USH2A: variants seen among roughly 807,000 people sequenced by gnomAD.
The protein encoded by USH2A is usherin.
In USH2A, 443 loss-of-function variants were observed where a neutral mutation model predicts 538.9. That is an observed-to-expected ratio of 0.82 (90% CI 0.76 to 0.89). The LOEUF (loss-of-function observed/expected upper bound fraction) is 0.89. Among genes scored for constraint, USH2A ranks in the 40% least tolerant of loss-of-function variants. USH2A has a pLI of 0.00. For missense variants in USH2A, 6,633 were observed against 6,324.8 expected (o/e 1.05, Z -1.65); for synonymous variants, 2,413 against 2,273.5 (o/e 1.06, Z -1.75).
At chr1:216,054,649 A>G (rs1429617897) in intron 30 of USH2A, among the ~76,000 whole-genome samples, 1 of 150,478 alleles carries the variant, frequency 6.6e-6, no homozygotes, top group Non-Finnish European at 1.5e-5. Context: ...ACTTCAGCAG[A>G]CTCCTCCTCC....
At position 216,105,339 on chromosome 1, in the gene USH2A, G is replaced by C. The variant is rs965163217; in HGVS notation, c.4628-8126C>G. Among the ~76,000 whole-genome samples the C allele has an allele frequency of 6.9e-5, 10 of 145,836 alleles. No homozygotes were observed. In the East Asian group the frequency reaches 2.4e-3, roughly 35 times the overall value. On this transcript the variant is annotated intron_variant, in intron 21 of 71. Transcript: ENST00000307340. Reference sequence around the variant, plus strand: ...TCAAATTAAATTGTATGCATGATGTGAGATAGGGGTCAAGCTTTATTGTTT... The same window carrying C: ...TCAAATTAAATTGTATGCATGATGTCAGATAGGGGTCAAGCTTTATTGTTT...
At chr1:215,727,258 C>T (rs1377505813) in intron 61 of USH2A, among the ~76,000 whole-genome samples, 1 of 151,962 alleles carries the variant, frequency 6.6e-6, no homozygotes, top group Non-Finnish European at 1.5e-5. Flanking sequence ...CATGTATACA[C>T]ATACATATAT....
chr1:215,935,392 A>G (rs1666467986), intron 37 of USH2A, among the ~76,000 whole-genome samples: 2 of 151,994 alleles, frequency 1.3e-5, no homozygotes, highest in African/African-American at 4.8e-5. Context: ...CTTGAAAAGC[A>G]ACTGGGGATG....
chr1:216,217,189 T>A (rs1160779847), intron 15 of USH2A, among the ~76,000 whole-genome samples, 198 bp downstream of exon 15: 2 of 152,148 alleles, frequency 1.3e-5, no homozygotes, highest in African/African-American at 4.8e-5. Context: ...TGAACATAAT[T>A]ATATTACCAT....
At chr1:215,934,525 A>G in intron 38 of USH2A, 91 bp downstream of exon 38, 1 of 1,352,558 alleles carries the variant, frequency 7.4e-7, no homozygotes, top group East Asian at 2.4e-5. Flanking sequence ...TCTAAAATAA[A>G]ATACCTCTAA....
In USH2A at chr1:215,970,888, C is replaced by A. The variant is rs188652286; in HGVS notation, c.6806-112G>T. Reference sequence around the variant, plus strand: ...CTAGTTTCATGGAATCATTAAATCACAGACTCTGGTATTTCTCCTTGTCTA... The same window carrying A: ...CTAGTTTCATGGAATCATTAAATCAAAGACTCTGGTATTTCTCCTTGTCTA... On this transcript the variant is annotated intron_variant, in intron 35 of 71. Coordinates refer to ENST00000307340, the MANE Select transcript of USH2A (RefSeq NM_206933.4). The A allele has an allele frequency of 3.7e-6, 4 of 1,094,372 alleles. No homozygotes were observed. In the African/African-American group the frequency reaches 4.8e-5, roughly 13 times the overall value. The allele number at this position is 1,094,372 out of a possible 1,614,324, so 67.8% of individuals were successfully genotyped here.
intron 41 of USH2A, among the ~76,000 whole-genome samples, chr1:215,884,912 G>A (rs573943739): frequency 2.8e-4 from 43 of 152,302 alleles, no homozygotes; most frequent in African/African-American, 9.4e-4. Context: ...TGTATAAGAG[G>A]AGCTGACAGC....
At chr1:216,229,515 A>T (rs1357038161) in intron 14 of USH2A, among the ~76,000 whole-genome samples, 3 of 151,834 alleles carry the variant, frequency 2.0e-5, no homozygotes, top group African/African-American at 7.3e-5. Flanking sequence ...GGGTTTTGCC[A>T]TGTTGCCCAG....
intron 20 of USH2A, among the ~76,000 whole-genome samples, chr1:216,182,764 G>A (rs2034519788): frequency 1.3e-5 from 2 of 151,984 alleles, no homozygotes; most frequent in African/African-American, 2.4e-5. Context: ...CAGTTCTAAG[G>A]CTGCAATATT....
At chr1:216,141,583 T>C (rs1293017661) in intron 21 of USH2A, among the ~76,000 whole-genome samples, 1 of 152,200 alleles carries the variant, frequency 6.6e-6, no homozygotes, top group Non-Finnish European at 1.5e-5. Context: ...TGGTAACATT[T>C]TGGCATCAGC....
At chr1:215,997,607 T>C (rs1235899907) in intron 34 of USH2A, among the ~76,000 whole-genome samples, 1 of 152,082 alleles carries the variant, frequency 6.6e-6, no homozygotes, top group Non-Finnish European at 1.5e-5. Context: ...TATGAATTGA[T>C]TGACTGCACA....
At chr1:216,322,228 A>G (rs547651698) in intron 8 of USH2A, among the ~76,000 whole-genome samples, 1 of 152,276 alleles carries the variant, frequency 6.6e-6, no homozygotes, top group African/African-American at 2.4e-5. Flanking sequence ...CAACCTCTAA[A>G]GGGAAATGGA....
chr1:216,067,766 G>A (rs1004648868), intron 30 of USH2A, among the ~76,000 whole-genome samples: 3 of 152,100 alleles, frequency 2.0e-5, no homozygotes, highest in South Asian at 2.1e-4. Flanking sequence ...GGTAGAAGGT[G>A]AGAGACATCC....
At chr1:215,661,399 G>GT (rs1375915656) in intron 64 of USH2A, among the ~76,000 whole-genome samples, 9 of 152,104 alleles carry the variant, frequency 5.9e-5, no homozygotes, top group Admixed American at 2.6e-4. Context: ...TCCTCTCAAT[G>GT]ACCCACTTTC....
chr1:216,045,303 T>C (rs1032740610), intron 32 of USH2A, among the ~76,000 whole-genome samples: 3 of 152,148 alleles, frequency 2.0e-5, no homozygotes, highest in African/African-American at 7.2e-5. Flanking sequence ...AATACAAATA[T>C]AAACACAGTA....
At chr1:215,832,234 A>C (rs1489754176) in intron 47 of USH2A, among the ~76,000 whole-genome samples, 1 of 151,922 alleles carries the variant, frequency 6.6e-6, no homozygotes, top group Non-Finnish European at 1.5e-5. Context: ...ACACTTTTGT[A>C]CAATCTCTTC....
intron 14 of USH2A, among the ~76,000 whole-genome samples, chr1:216,221,642 C>G (rs2035459966): frequency 6.6e-6 from 1 of 152,182 alleles, no homozygotes; most frequent in Non-Finnish European, 1.5e-5. Flanking sequence ...CTCATAAAAG[C>G]TGGACCAGGG....
At chr1:216,113,137 T>TAAAAAAAAA (rs71159901) in intron 21 of USH2A, among the ~76,000 whole-genome samples, 2 of 127,578 alleles carry the variant, frequency 1.6e-5, no homozygotes, top group Non-Finnish European at 3.3e-5. Flanking sequence ...CTCCAAATGA[T>TAAAAAAAAA]AAAAAAAAAA....
chr1:215,725,050 T>A lies in USH2A; in HGVS notation c.12066+2980A>T, dbSNP rs558771809. 9.2e-5 allele frequency among the ~76,000 whole-genome samples: 14 copies of A among 152,310 alleles called. No individual in the cohort carries two copies. The South Asian group carries it at 2.3e-3, about 25-fold the overall frequency. On this transcript the variant is annotated intron_variant, in intron 61 of 71. Coordinates refer to ENST00000307340, the MANE Select transcript of USH2A (RefSeq NM_206933.4). ...GTAATAGAACTTCCTTTACTTTTTT[T>A]TGAGACGGAGTCTTGCTCTGTTGCC...
Sources: allele counts gnomAD v4.1 joint callset (sites outside exome capture counted in the v4.1 genomes callset), GRCh38; gene constraint gnomAD v4.1.1; transcripts MANE v1.5; gene names NCBI Gene and HGNC (gene_info 2026-07-23, HGNC 2026-07-21).